Variants in AP1G1 observed in about 807,000 individuals in gnomAD.
The protein encoded by AP1G1 is AP-1 complex subunit gamma-1.
In AP1G1, 7 loss-of-function variants were observed where a neutral mutation model predicts 108.3. The observed-to-expected ratio is 0.06, with a 90% CI of 0.04 to 0.12. The LOEUF (loss-of-function observed/expected upper bound fraction) is 0.12, where lower values mean the gene tolerates loss of function less well. AP1G1 is among the 10% of genes least tolerant of loss of function. The pLI is 1.00. For missense variants in AP1G1, 756 were observed against 1,010.7 expected, an observed-to-expected ratio of 0.75 and a Z score of 3.42; for synonymous variants, 379 against 353.5, an observed-to-expected ratio of 1.07 and a Z score of -0.81.
At chr16:71,805,852 C>T (rs2142292449) in intron 1 of AP1G1, among the ~76,000 whole-genome samples, 1 of 152,108 alleles carries the variant, frequency 6.6e-6, no homozygotes, top group East Asian at 1.9e-4. Flanking sequence ...AAAACACTAT[C>T]TATACAAAAA....
In AP1G1 at chr16:71,735,677, T is replaced by C. The variant is rs1318967745; in HGVS notation, c.2269-970A>G. On this transcript the variant is annotated intron_variant, in intron 21 of 22. Coordinates refer to ENST00000299980, the MANE Select transcript of AP1G1 (RefSeq NM_001128.6). ...TCTCAAAAAAAAAAAAAAAGTGCTA[T>C]ATAGGGCAAGCTAGGTAAACCATAC... 4.0e-5 allele frequency among the ~76,000 whole-genome samples: 6 copies of C among 151,292 alleles called. No individual in the cohort carries two copies. In the East Asian group the frequency reaches 9.7e-4, roughly 24 times the overall value.
intron 1 of AP1G1, chr16:71,808,423 CG>C (rs990591607): frequency 8.7e-7 from 1 of 1,143,408 alleles, no homozygotes; most frequent in African/African-American, 1.6e-5. Context: ...GGGTGGGGCC[CG>C]CCCCGCTAAA....
In AP1G1 at chr16:71,756,067, G is replaced by A. The variant is rs2030769396; in HGVS notation, c.1181C>T (p.Pro394Leu). The A allele has an allele frequency of 4.3e-6, 7 of 1,612,830 alleles. No homozygotes were observed. The highest frequency in any genetic ancestry group is 5.9e-6 in the Non-Finnish European group (7 of 1,179,526). ...AGATGCACAGTCTGCTTTAAATTCT[G>A]GCTCACACGAATCCAGAAAATAAAG... ...ELLYFLDSCE[P>L]EFKADCASGI... Residue 394 changes from proline to leucine, a missense_variant, in exon 12 of 23, where the codon CCA becomes CTA. Physicochemically the swap from Pro to Leu is moderately conservative, Grantham distance 98. Transcript: ENST00000299980.
At chr16:71,781,741 A>T (rs531274170) in intron 2 of AP1G1, among the ~76,000 whole-genome samples, 1 of 152,242 alleles carries the variant, frequency 6.6e-6, no homozygotes, top group Non-Finnish European at 1.5e-5. Flanking sequence ...ATCTGAGGAC[A>T]AACAGATTGT....
chr16:71,807,897 A>G lies in AP1G1; in HGVS notation c.-4+866T>C, dbSNP rs954890123. ...ACCACACAAGTGTCAGTAAGCACCA[A>G]AAAGCTAAGTATTCAGCACAGGGAG... On this transcript the variant is annotated intron_variant, in intron 1 of 22. Coordinates refer to ENST00000299980, the MANE Select transcript of AP1G1 (RefSeq NM_001128.6). The G allele has an allele frequency of 4.7e-6, 6 of 1,285,178 alleles. No individual in the cohort carries two copies. In the African/African-American group the frequency reaches 6.1e-5, roughly 13 times the overall value. The allele number at this position is 1,285,178 out of a possible 1,614,324, so 79.6% of individuals were successfully genotyped here.
chr16:71,761,513 TA>T lies in AP1G1; in HGVS notation c.972del (p.Arg325AspfsTer5). 1 of 1,583,380 alleles carries T rather than the reference TA, an allele frequency of 6.3e-7. No homozygotes were observed. Among genetic ancestry groups the T allele is most frequent in the Non-Finnish European group, 8.7e-7 (1 of 1,152,650 alleles). On this transcript the variant is annotated frameshift_variant and splice_region_variant, in exon 10 of 23. Transcript: ENST00000299980. LOFTEE classifies it high-confidence loss of function. ...GRFLLNNDKN[I>X]RYVALTSLLK... ...AAAGACATATTTCAGTTAACTTACCTAATATTCTTGTCATTGTTCAATAAGA... is the reference window on the plus strand; with the variant it reads ...AAAGACATATTTCAGTTAACTTACCTATATTCTTGTCATTGTTCAATAAGA...
chr16:71,732,965 G>A lies in AP1G1; in HGVS notation c.*93C>T, dbSNP rs1463520246. 3 of 943,068 alleles carry A rather than the reference G, an allele frequency of 3.2e-6. No individual in the cohort carries two copies. The highest frequency in any genetic ancestry group is 4.9e-6 in the Non-Finnish European group (3 of 606,490). The allele number at this position is 943,068 out of a possible 1,614,324, so 58.4% of individuals were successfully genotyped here. A position where few individuals can be genotyped will look rare whatever the true frequency, so the allele number is the denominator to read the frequency against. The stretch of plus-strand genomic sequence containing the variant: ...GTTCTCTTCAGCTCCTCATGCCCGT[G>A]GTACAGTTGGGGGGGACTTGCCAGC... On this transcript the variant is annotated 3_prime_UTR_variant, in exon 23 of 23. Coordinates refer to ENST00000299980, the MANE Select transcript of AP1G1 (RefSeq NM_001128.6).
At chr16:71,796,065 A>C (rs1044487925) in intron 1 of AP1G1, among the ~76,000 whole-genome samples, 1 of 152,146 alleles carries the variant, frequency 6.6e-6, no homozygotes, top group Admixed American at 6.5e-5. Flanking sequence ...GGCGACACCC[A>C]GTCTCTACTA....
intron 1 of AP1G1, chr16:71,808,143 G>A (rs2033060882): frequency 1.7e-5 from 20 of 1,150,094 alleles, no homozygotes; most frequent in Non-Finnish European, 2.1e-5. Flanking sequence ...CGTCCGCAGG[G>A]CCAGGAGCTG....
At chr16:71,792,082 G>A (rs541694559) in intron 1 of AP1G1, among the ~76,000 whole-genome samples, 308 of 152,150 alleles carry the variant, frequency 2.0e-3, no homozygotes, top group African/African-American at 3.3e-3. Context: ...TCTTATACAA[G>A]GGATGGCTGA....
intron 10 of AP1G1, among the ~76,000 whole-genome samples, chr16:71,760,509 C>A (rs943866247): frequency 6.7e-6 from 1 of 148,760 alleles, no homozygotes; most frequent in African/African-American, 2.5e-5. Flanking sequence ...TGTGCCACTG[C>A]ACTCCAGCCT....
In AP1G1 at chr16:71,791,857, G is replaced by A. The variant is rs1241306533; in HGVS notation, c.-3-2375C>T. On this transcript the variant is annotated intron_variant, in intron 1 of 22. Coordinates refer to ENST00000299980, the MANE Select transcript of AP1G1 (RefSeq NM_001128.6). ...GCTCACTGCAACCTCCACCTCCTGG[G>A]TTCAAGCACTTCTCCTGCCTCAGCC... 2.6e-5 allele frequency among the ~76,000 whole-genome samples: 4 copies of A among 151,394 alleles called. No homozygotes were observed. The South Asian group carries it at 8.4e-4, about 32-fold the overall frequency.
At chr16:71,763,695 C>T (rs953053626) in intron 9 of AP1G1, among the ~76,000 whole-genome samples, 7 of 152,092 alleles carry the variant, frequency 4.6e-5, no homozygotes, top group Non-Finnish European at 1.0e-4. Flanking sequence ...CTTTGGTTAT[C>T]TAACTAGATA....
chr16:71,775,826 A>C (rs1400209800), intron 2 of AP1G1, among the ~76,000 whole-genome samples: 1 of 152,224 alleles, frequency 6.6e-6, no homozygotes, highest in East Asian at 1.9e-4. Context: ...AATTAAGCTA[A>C]AACGATTTAC....
chr16:71,794,835 C>CTTTTCTTTTTTTTTTTTTTTT lies in AP1G1; in HGVS notation c.-3-5354_-3-5353insAAAAAAAAAAAAAAAAGAAAA, dbSNP rs2032522793. ...TACCATTCTCAGGCCATGAGAAGTG[C>CTTTTCTTTTTTTTTTTTTTTT]TTTTTTTTTTTTTTTTTTTTTTTTT... On this transcript the variant is annotated intron_variant, in intron 1 of 22. Coordinates refer to ENST00000299980, the MANE Select transcript of AP1G1 (RefSeq NM_001128.6). Among the ~76,000 whole-genome samples, 22 of 39,660 alleles carry CTTTTCTTTTTTTTTTTTTTTT rather than the reference C, an allele frequency of 5.5e-4. 1 individual carries two copies. The highest frequency in any genetic ancestry group is 0.029 in the Middle Eastern group (1 of 34). 26.0% of individuals were successfully genotyped at this position (39,660 alleles called of 152,430 possible). A position where few individuals can be genotyped will look rare whatever the true frequency, so the allele number is the denominator to read the frequency against.
Position 71,729,281 on chromosome 16 carries a change from G to T in AP1G1, c.*3777C>A, listed in dbSNP as rs2045455997. Reference sequence around the variant, plus strand: ...AGATGTGATGGGGCATAATGAAAATGTAACTTACAACACTAAGAAAGAAAA... The same window carrying T: ...AGATGTGATGGGGCATAATGAAAATTTAACTTACAACACTAAGAAAGAAAA... On this transcript the variant is annotated 3_prime_UTR_variant, in exon 23 of 23. Coordinates refer to ENST00000299980, the MANE Select transcript of AP1G1 (RefSeq NM_001128.6). The T allele has an allele frequency of 6.6e-6, 1 of 152,272 alleles. No homozygotes were observed. Among genetic ancestry groups the T allele is most frequent in the African/African-American group, 2.4e-5 (1 of 41,336 alleles). The allele number at this position is 152,272 out of a possible 1,614,324, so 9.4% of individuals were successfully genotyped here. A position where few individuals can be genotyped will look rare whatever the true frequency, so the allele number is the denominator to read the frequency against.
Position 71,748,588 on chromosome 16 carries a change from A to G in AP1G1, c.1498-210T>C, listed in dbSNP as rs914895590. Among the ~76,000 whole-genome samples, 11 of 152,080 alleles carry G rather than the reference A, an allele frequency of 7.2e-5. 1 individual carries two copies. The highest frequency in any genetic ancestry group is 2.4e-4 in the African/African-American group (10 of 41,438). ...AAAAAAAAGTGCTCTGGTTCTATCA[A>G]CCAGAGCAGGTGGGGGTAAAAAGAG... On this transcript the variant is annotated intron_variant, in intron 15 of 22. Transcript: ENST00000299980.
chr16:71,743,315 G>A (rs577974330), intron 19 of AP1G1: 1 of 152,060 alleles, frequency 6.6e-6, no homozygotes, highest in African/African-American at 2.4e-5. Flanking sequence ...AAAAAAATCA[G>A]CCTGTGGGAA....
rs756396470 is a variant in AP1G1, at chr16:71,774,437, AGTT to A, written c.326+28_326+30del. On this transcript the variant is annotated intron_variant, in intron 3 of 22. Coordinates refer to ENST00000299980, the MANE Select transcript of AP1G1 (RefSeq NM_001128.6). ...TACAAAAAAGAACAAAGTAGTTAACAGTTGTTAGAAGAAAGAAAAGTAAGACTT... is the reference window on the plus strand; with the variant it reads ...TACAAAAAAGAACAAAGTAGTTAACAGTTAGAAGAAAGAAAAGTAAGACTT... 8.8e-6 allele frequency: 14 copies of A among 1,584,252 alleles called. No homozygotes were observed. In the African/African-American group the frequency reaches 9.6e-5, roughly 11 times the overall value.
Sources: allele counts gnomAD v4.1 joint callset (sites outside exome capture counted in the v4.1 genomes callset), GRCh38; gene constraint gnomAD v4.1.1; transcripts MANE v1.5; gene names NCBI Gene and HGNC (gene_info 2026-07-23, HGNC 2026-07-21).